Variants in TNFRSF10A observed in about 807,000 individuals in gnomAD.
TNFRSF10A encodes TNF receptor superfamily member 10a.
In TNFRSF10A, 44 loss-of-function variants were observed where a neutral mutation model predicts 42.8. The observed-to-expected ratio is 1.03, with a 90% CI of 0.81 to 1.32. The LOEUF (loss-of-function observed/expected upper bound fraction) is 1.32, where lower values mean the gene tolerates loss of function less well. TNFRSF10A is among the 40% of genes most tolerant of loss of function. The probability of loss-of-function intolerance (pLI) is 0.00; values close to 1 mark genes in which losing one functional copy is unlikely to be tolerated. For synonymous variants in TNFRSF10A, 259 were observed against 234.2 expected, an observed-to-expected ratio of 1.11 and a Z score of -0.97; for missense variants, 680 against 602.0, an observed-to-expected ratio of 1.13 and a Z score of -1.36.
chr8:23,208,516 G>T (rs1801049337), intron 2 of TNFRSF10A, among the ~76,000 whole-genome samples: 1 of 152,112 alleles, frequency 6.6e-6, no homozygotes, highest in African/African-American at 2.4e-5. Flanking sequence ...GAGTGCAGTG[G>T]CATGATCTCG....
At chr8:23,222,078 C>T (rs1801264796) in intron 1 of TNFRSF10A, among the ~76,000 whole-genome samples, 2 of 152,014 alleles carry the variant, frequency 1.3e-5, no homozygotes. Context: ...GGGGTTTCAC[C>T]GTGTTAGCCA....
chr8:23,210,251 G>A (rs1176018704), intron 2 of TNFRSF10A, among the ~76,000 whole-genome samples: 2 of 151,914 alleles, frequency 1.3e-5, no homozygotes, highest in Admixed American at 6.6e-5. Context: ...CCATATAAAC[G>A]GACTAATACA....
In TNFRSF10A at chr8:23,194,292, C is replaced by T. The variant is rs186921822; in HGVS notation, c.1088-2279G>A. 7.2e-4 allele frequency among the ~76,000 whole-genome samples: 110 copies of T among 152,224 alleles called. 1 individual carries two copies. The South Asian group carries it at 7.5e-3, about 10-fold the overall frequency. ...ATTGACTTATAAGTAAAAGAGTACT[C>T]ATAAATAAAGTAAATAATTCCAAGC... On this transcript the variant is annotated intron_variant, in intron 9 of 9. Coordinates refer to ENST00000221132, the MANE Select transcript of TNFRSF10A (RefSeq NM_003844.4).
chr8:23,200,409 C>T, intron 6 of TNFRSF10A, 96 bp downstream of exon 6: 1 of 1,388,622 alleles, frequency 7.2e-7, no homozygotes, highest in Non-Finnish European at 1.0e-6. Flanking sequence ...GCCAGAGACA[C>T]TAGGACTTGG....
chr8:23,207,365 T>A lies in TNFRSF10A; in HGVS notation c.404-4604A>T. The A allele has an allele frequency of 5.2e-6, 3 of 577,032 alleles. No homozygotes were observed. The Admixed American group carries it at 5.7e-5, about 11-fold the overall frequency. 35.7% of individuals were successfully genotyped at this position (577,032 alleles called of 1,614,324 possible). On this transcript the variant is annotated intron_variant, in intron 2 of 9. Coordinates refer to ENST00000221132, the MANE Select transcript of TNFRSF10A (RefSeq NM_003844.4). ...GATGTTGCCAACAAAATTGGGATCA[T>A]CTAAACTGAATCCAGCTGGCTAATT...
chr8:23,195,458 T>C (rs904956825), intron 9 of TNFRSF10A, among the ~76,000 whole-genome samples: 1 of 152,358 alleles, frequency 6.6e-6, no homozygotes, highest in Non-Finnish European at 1.5e-5. Context: ...ATTTTTAAAT[T>C]ATTTGTGACT....
At chr8:23,213,365 T>C (rs1415575327) in intron 1 of TNFRSF10A, among the ~76,000 whole-genome samples, 1 of 151,632 alleles carries the variant, frequency 6.6e-6, no homozygotes. Context: ...TGAGTTTCTC[T>C]GCAGTTTTTC....
Position 23,191,819 on chromosome 8 carries a change from G to A in TNFRSF10A, c.1282C>T (p.Leu428=). The part of the protein sequence containing the change: ...KTGRNASIHT[L]LDALERMEER... ...TCCATCCTCTCCAAGGCATCCAGCA[G>A]GGTGTGGATCGAGGCGTTCCGTCCA... is the stretch of plus-strand genomic sequence containing the variant. The change falls in exon 10 of 10, where the codon CTG becomes TTG. Residue 428 remains leucine, a synonymous_variant. Coordinates refer to ENST00000221132, the MANE Select transcript of TNFRSF10A (RefSeq NM_003844.4). 1 of 1,614,034 alleles carries A rather than the reference G, an allele frequency of 6.2e-7. No homozygotes were observed. Among genetic ancestry groups the A allele is most frequent in the South Asian group, 1.1e-5 (1 of 91,052 alleles).
At chr8:23,206,263 T>G (rs1801006568) in intron 2 of TNFRSF10A, among the ~76,000 whole-genome samples, 1 of 152,132 alleles carries the variant, frequency 6.6e-6, no homozygotes, top group Non-Finnish European at 1.5e-5. Context: ...ATTTACAGAT[T>G]TGGTGTAGCC....
rs534756535 is a variant in TNFRSF10A at position 23,196,991 on chromosome 8, G to A, written c.1087+141C>T. ...AAGAGATGGGAGAAGACAATTTAGGGTCTTGATGGTCTATAGCATAGGACC... is the reference window on the plus strand; with the variant it reads ...AAGAGATGGGAGAAGACAATTTAGGATCTTGATGGTCTATAGCATAGGACC... On this transcript the variant is annotated intron_variant, in intron 9 of 9. Coordinates refer to ENST00000221132, the MANE Select transcript of TNFRSF10A (RefSeq NM_003844.4). 2.7e-5 allele frequency: 29 copies of A among 1,059,648 alleles called. 1 individual carries two copies. The South Asian group carries it at 3.7e-4, about 13-fold the overall frequency. The allele number at this position is 1,059,648 out of a possible 1,614,324, so 65.6% of individuals were successfully genotyped here.
chr8:23,216,457 C>A (rs1420908368), intron 1 of TNFRSF10A, among the ~76,000 whole-genome samples: 1 of 151,950 alleles, frequency 6.6e-6, no homozygotes, highest in Non-Finnish European at 1.5e-5. Context: ...CCAAAAGAAA[C>A]TCCAGGCCAG....
intron 2 of TNFRSF10A, among the ~76,000 whole-genome samples, chr8:23,209,405 A>G (rs1801062560): frequency 6.6e-6 from 1 of 152,228 alleles, no homozygotes; most frequent in Non-Finnish European, 1.5e-5. Flanking sequence ...CCAGAATGGT[A>G]GAACTGCTGA....
At chr8:23,210,879 G>A (rs902185125) in intron 2 of TNFRSF10A, among the ~76,000 whole-genome samples, 6 of 152,070 alleles carry the variant, frequency 3.9e-5, no homozygotes, top group African/African-American at 1.4e-4. Flanking sequence ...ACCCTTTCAT[G>A]ATAAAAATCA....
intron 2 of TNFRSF10A, among the ~76,000 whole-genome samples, chr8:23,211,580 TAAAC>T (rs1801092335): frequency 6.6e-6 from 1 of 152,054 alleles, no homozygotes; most frequent in Non-Finnish European, 1.5e-5. Flanking sequence ...AAGCCCAGCA[TAAAC>T]AAAATAATTC....
chr8:23,199,240 C>CT, intron 8 of TNFRSF10A, 26 bp downstream of exon 8: 1 of 1,603,180 alleles, frequency 6.2e-7, no homozygotes, highest in East Asian at 2.2e-5. Flanking sequence ...CCTACAAGGT[C>CT]TTGGAGGGGC....
At chr8:23,204,104 TATG>T (rs901428373) in intron 2 of TNFRSF10A, among the ~76,000 whole-genome samples, 1 of 152,132 alleles carries the variant, frequency 6.6e-6, no homozygotes, top group Non-Finnish European at 1.5e-5. Flanking sequence ...GCTGATGTGT[TATG>T]ATGATGACAC....
rs1211461899 is a variant in TNFRSF10A, at chr8:23,190,922, G to C, written c.*772C>G. On this transcript the variant is annotated 3_prime_UTR_variant, in exon 10 of 10. Coordinates refer to ENST00000221132, the MANE Select transcript of TNFRSF10A (RefSeq NM_003844.4). The stretch of plus-strand genomic sequence containing the variant: ...ACTGGTGTATGCCCTGGAGTCCAAG[G>C]GCTAGAAATCCTAGACTCTGATGTC... The C allele has an allele frequency of 6.6e-6, 1 of 152,200 alleles. No homozygotes were observed. The highest frequency in any genetic ancestry group is 1.5e-5 in the Non-Finnish European group (1 of 68,044). 9.4% of individuals were successfully genotyped at this position (152,200 alleles called of 1,614,324 possible). A position where few individuals can be genotyped will look rare whatever the true frequency, so the allele number is the denominator to read the frequency against.
chr8:23,224,299 CAAAAAAAAAAAAA>C lies in TNFRSF10A; in HGVS notation c.306+444_306+456del, dbSNP rs71208595. On this transcript the variant is annotated intron_variant, in intron 1 of 9. Transcript: ENST00000221132. ...TGGGCGACAGAGAGAGACTCCGTTT[CAAAAAAAAAAAAA>C]AAAAAAAAAAGAAGAGAAGAAAAGA... The C allele has an allele frequency of 7.7e-4, 78 of 101,762 alleles. 1 individual carries two copies. In the Middle Eastern group the frequency reaches 0.019, roughly 25 times the overall value. 6.3% of individuals were successfully genotyped at this position (101,762 alleles called of 1,614,324 possible).
chr8:23,204,271 G>GTAC (rs201690222), intron 2 of TNFRSF10A, among the ~76,000 whole-genome samples: 2,548 of 152,292 alleles, frequency 0.017, 65 homozygotes, highest in African/African-American at 0.057. Context: ...AATCACACAA[G>GTAC]TACTGCATGA....
Sources: gnomAD v4.1 joint callset for allele counts (sites outside exome capture counted in the v4.1 genomes callset) on GRCh38, gnomAD v4.1.1 for gene constraint, MANE v1.5 for transcripts, NCBI Gene and HGNC (gene_info 2026-07-23, HGNC 2026-07-21) for gene names.